SCN8A: variants seen among roughly 807,000 people sequenced by gnomAD.
The protein encoded by SCN8A is sodium channel protein type 8 subunit alpha.
In SCN8A, 30 loss-of-function variants were observed where a neutral mutation model predicts 184.1. The observed-to-expected ratio is 0.16, with a 90% CI of 0.12 to 0.22. The LOEUF (loss-of-function observed/expected upper bound fraction) is 0.22, where lower values mean the gene tolerates loss of function less well. SCN8A is among the 10% of genes least tolerant of loss of function. The probability of loss-of-function intolerance (pLI) is 1.00; values close to 1 mark genes in which losing one functional copy is unlikely to be tolerated. For synonymous variants in SCN8A, 852 were observed against 907.0 expected (o/e 0.94, Z 1.09); for missense variants, 1,057 against 2,498.9 (o/e 0.42, Z 12.30).
chr12:51,758,982 A>G (rs1367181504), intron 14 of SCN8A, among the ~76,000 whole-genome samples: 3 of 137,418 alleles, frequency 2.2e-5, no homozygotes, highest in East Asian at 4.1e-4. Context: ...GTATGTATGT[A>G]TATGTGTGTG....
Position 51,721,735 on chromosome 12 carries a change from G to T in SCN8A, c.1825G>T (p.Glu609Ter). ...DSLFIPIRARERRSSYSGYSG... is the reference protein window; with the variant it reads ...DSLFIPIRAR ...CCTCTTCATCCCCATCCGGGCCCGC[G>T]AGCGCCGGAGCAGCTACAGCGGCTA... is the stretch of plus-strand genomic sequence containing the variant. The change falls in exon 12 of 27, where the codon GAG becomes TAG. Residue 609 changes from glutamate (E) to a stop codon, truncating the protein, a stop_gained. Transcript: ENST00000627620. LOFTEE classifies it high-confidence loss of function. 6.2e-7 allele frequency: 1 copy of T among 1,601,898 alleles called. No homozygotes were observed. Among genetic ancestry groups the T allele is most frequent in the Non-Finnish European group, 8.5e-7 (1 of 1,174,342 alleles).
intron 23 of SCN8A, 72 bp from the exon 24 acceptor site, chr12:51,789,209 G>A (rs1175881053): frequency 4.5e-6 from 7 of 1,546,072 alleles, no homozygotes; most frequent in African/African-American, 1.4e-5. Flanking sequence ...TCACAGTTAC[G>A]GCTGATGGCC....
chr12:51,686,823 G>A (rs1162852533), intron 4 of SCN8A, among the ~76,000 whole-genome samples: 2 of 152,078 alleles, frequency 1.3e-5, no homozygotes, highest in Non-Finnish European at 2.9e-5. Flanking sequence ...TCTTCAAAAT[G>A]ATCATGTACT....
At position 51,751,612 on chromosome 12, in the gene SCN8A, TC is replaced by T. The variant is rs1161949715; in HGVS notation, c.2370+22del. ...AAATCTGGTAAGATGGAACACTGTC[TC>T]CCGATATTAGGATTGGAATGTGTTT... On this transcript the variant is annotated intron_variant, in intron 14 of 26. Coordinates refer to ENST00000627620, the MANE Select transcript of SCN8A (RefSeq NM_001330260.2). 6.5e-7 allele frequency: 1 copy of T among 1,545,152 alleles called. No homozygotes were observed. The highest frequency in any genetic ancestry group is 1.1e-5 in the South Asian group (1 of 89,230).
rs1057521948 is a variant in SCN8A at position 51,770,702 on chromosome 12, T to G, written c.3645+19T>G. On this transcript the variant is annotated intron_variant, in intron 19 of 26. Transcript: ENST00000627620. Reference sequence around the variant, plus strand: ...CGCCCTGGTGAGGTCCAGGGGAGAGTGTGAGGAGGGATTGGCTGGGGAAGG... The same window carrying G: ...CGCCCTGGTGAGGTCCAGGGGAGAGGGTGAGGAGGGATTGGCTGGGGAAGG... 6.2e-7 allele frequency: 1 copy of G among 1,608,932 alleles called. No homozygotes were observed. Among genetic ancestry groups the G allele is most frequent in the African/African-American group, 1.3e-5 (1 of 74,482 alleles).
At chr12:51,727,163 G>C (rs1036488776) in intron 12 of SCN8A, among the ~76,000 whole-genome samples, 1 of 152,150 alleles carries the variant, frequency 6.6e-6, no homozygotes, top group African/African-American at 2.4e-5. Context: ...GAAGTCAGTG[G>C]CTAAATGCCC....
intron 1 of SCN8A, among the ~76,000 whole-genome samples, chr12:51,661,103 T>C (rs1338128583): frequency 6.6e-6 from 1 of 152,174 alleles, no homozygotes; most frequent in African/African-American, 2.4e-5. Flanking sequence ...AGTTCTGAGA[T>C]GGGGCACCAG....
At chr12:51,690,483 G>C (rs756757868) in intron 6 of SCN8A, among the ~76,000 whole-genome samples, 4 of 151,888 alleles carry the variant, frequency 2.6e-5, no homozygotes, top group Non-Finnish European at 5.9e-5. Context: ...CTTCCAAGTA[G>C]CTGAGACCAC....
At chr12:51,785,410 C>T (rs577230691) in intron 21 of SCN8A, among the ~76,000 whole-genome samples, 1 of 152,122 alleles carries the variant, frequency 6.6e-6, no homozygotes, top group South Asian at 2.1e-4. Context: ...TGGAGAAACA[C>T]AAAATGAATA....
intron 26 of SCN8A, among the ~76,000 whole-genome samples, chr12:51,804,118 T>C (rs180747706): frequency 9.1e-4 from 138 of 152,280 alleles, no homozygotes; most frequent in African/African-American, 3.0e-3. Flanking sequence ...TTCCCAGACT[T>C]TTCAACTCCC....
intron 1 of SCN8A, among the ~76,000 whole-genome samples, chr12:51,621,073 T>C (rs937388175): frequency 5.3e-5 from 8 of 152,156 alleles, no homozygotes; most frequent in Non-Finnish European, 1.5e-5. Context: ...ATGGCTTCAG[T>C]GGGGCTGGCT....
At chr12:51,774,075 CAGGG>C (rs1358396508) in intron 19 of SCN8A, 110 bp from the exon 20 acceptor site, 10 of 741,048 alleles carry the variant, frequency 1.3e-5, no homozygotes, top group Non-Finnish European at 2.1e-5. Context: ...GCGAAGGAGA[CAGGG>C]AGCTGATGAC....
chr12:51,783,273 CAT>C (rs1041393879), intron 21 of SCN8A, among the ~76,000 whole-genome samples: 39 of 152,130 alleles, frequency 2.6e-4, no homozygotes, highest in African/African-American at 8.2e-4. Flanking sequence ...ATTAGGTACA[CAT>C]GTTTTATTTA....
chr12:51,686,259 C>T (rs1363114710), intron 3 of SCN8A, 109 bp from the exon 4 acceptor site: 1 of 708,848 alleles, frequency 1.4e-6, no homozygotes, highest in Non-Finnish European at 2.5e-6. Context: ...TGTGCTTCAT[C>T]TCCTTTCAGG....
chr12:51,709,812 A>G (rs557112443), intron 11 of SCN8A, among the ~76,000 whole-genome samples: 3 of 152,288 alleles, frequency 2.0e-5, no homozygotes, highest in Admixed American at 1.3e-4. Flanking sequence ...ACCGAAATAG[A>G]TGTGGTTTTT....
intron 20 of SCN8A, among the ~76,000 whole-genome samples, chr12:51,776,425 G>A (rs1259239748): frequency 6.6e-6 from 1 of 152,230 alleles, no homozygotes; most frequent in Non-Finnish European, 1.5e-5. Context: ...ACTGGCTCCT[G>A]TGAAGACCTC....
At chr12:51,663,702 AACT>A (rs547914979) in intron 2 of SCN8A, among the ~76,000 whole-genome samples, 1 of 152,124 alleles carries the variant, frequency 6.6e-6, no homozygotes, top group Non-Finnish European at 1.5e-5. Context: ...CAAGTGAAAG[AACT>A]ACTAATCTTC....
chr12:51,705,194 A>G (rs373065894), intron 9 of SCN8A, among the ~76,000 whole-genome samples: 3 of 152,140 alleles, frequency 2.0e-5, no homozygotes, highest in African/African-American at 4.8e-5. Flanking sequence ...TTTTGTCACA[A>G]TGGTTGGGAG....
intron 1 of SCN8A, among the ~76,000 whole-genome samples, chr12:51,598,932 A>C (rs1939406227): frequency 6.6e-6 from 1 of 152,056 alleles, no homozygotes; most frequent in Admixed American, 6.6e-5. Flanking sequence ...CCTCTGTTTT[A>C]TTTTTCTTAG....
Sources: allele counts gnomAD v4.1 joint callset (sites outside exome capture counted in the v4.1 genomes callset), GRCh38; gene constraint gnomAD v4.1.1; transcripts MANE v1.5; gene names NCBI Gene and HGNC (gene_info 2026-07-23, HGNC 2026-07-21).